Variants in PIK3AP1 observed in about 807,000 individuals in gnomAD.
The protein encoded by PIK3AP1 is phosphoinositide-3-kinase adaptor protein 1, also known as phosphoinositide 3-kinase adapter protein 1.
PIK3AP1 carries 21 observed loss-of-function variants against 88.1 expected under a neutral mutation model. That is an observed-to-expected ratio of 0.24 (90% CI 0.17 to 0.34). The LOEUF is 0.34. Ranked by LOEUF, PIK3AP1 falls within the 10% of genes least tolerant of loss-of-function variation. The pLI is 1.00. For synonymous variants in PIK3AP1, 398 were observed against 400.0 expected (o/e 1.00, Z 0.06); for missense variants, 828 against 1,035.7 (o/e 0.80, Z 2.75).
chr10:96,666,505 A>T (rs1435509123), intron 2 of PIK3AP1, among the ~76,000 whole-genome samples: 1 of 152,178 alleles, frequency 6.6e-6, no homozygotes, highest in Non-Finnish European at 1.5e-5. Flanking sequence ...CTAAAGCTTC[A>T]TAATATTTAT....
chr10:96,709,177 C>T (rs1471703125), intron 2 of PIK3AP1, among the ~76,000 whole-genome samples: 1 of 149,030 alleles, frequency 6.7e-6, no homozygotes, highest in Non-Finnish European at 1.5e-5. Context: ...ATGTGAAGTT[C>T]GCGTGATGAT....
At chr10:96,617,673 C>G (rs1165576800) in intron 12 of PIK3AP1, among the ~76,000 whole-genome samples, 1 of 152,116 alleles carries the variant, frequency 6.6e-6, no homozygotes, top group African/African-American at 2.4e-5. Flanking sequence ...GGAGCAGATG[C>G]AAGAGGACAA....
chr10:96,656,855 C>A lies in PIK3AP1; in HGVS notation c.510G>T (p.Pro170=), dbSNP rs761536697. Residue 170 remains proline, a synonymous_variant, in exon 3 of 17, where the codon CCG becomes CCT. Coordinates refer to ENST00000339364, the MANE Select transcript of PIK3AP1 (RefSeq NM_152309.3). ...TCAGGTTCCCAGGTGAAGTCACCGT[C>A]GGCAGGTTCTGCTGCTTCGAGTAGG... ...VVSYSKQQNL[P]TVTSPGNLMV... The A allele has an allele frequency of 1.2e-6, 2 of 1,614,162 alleles. No individual in the cohort carries two copies. Among genetic ancestry groups the A allele is most frequent in the Non-Finnish European group, 1.7e-6 (2 of 1,180,046 alleles).
At chr10:96,638,208 G>A (rs893250562) in intron 8 of PIK3AP1, among the ~76,000 whole-genome samples, 3 of 152,090 alleles carry the variant, frequency 2.0e-5, no homozygotes, top group Non-Finnish European at 4.4e-5. Context: ...TGTTGCTATC[G>A]TGAGAGTGGG....
intron 1 of PIK3AP1, among the ~76,000 whole-genome samples, chr10:96,717,558 T>C (rs1173279732): frequency 6.6e-6 from 1 of 152,098 alleles, no homozygotes; most frequent in African/African-American, 2.4e-5. Context: ...ACATGGAAGT[T>C]AAGGTCACAA....
intron 2 of PIK3AP1, among the ~76,000 whole-genome samples, chr10:96,683,870 A>G (rs1006207744): frequency 6.6e-6 from 1 of 152,260 alleles, no homozygotes; most frequent in Non-Finnish European, 1.5e-5. Flanking sequence ...TTTCCTCTGA[A>G]TAAACATTCA....
chr10:96,662,606 C>A (rs879667405), intron 2 of PIK3AP1, among the ~76,000 whole-genome samples: 24 of 150,594 alleles, frequency 1.6e-4, no homozygotes, highest in African/African-American at 5.4e-4. Context: ...TCCGGCCGGG[C>A]GCGGTGGCTC....
At chr10:96,663,323 T>C (rs1016184482) in intron 2 of PIK3AP1, among the ~76,000 whole-genome samples, 5 of 152,166 alleles carry the variant, frequency 3.3e-5, no homozygotes, top group Admixed American at 3.3e-4. Context: ...ATGTGAATTA[T>C]ACCTCAACAA....
chr10:96,645,388 G>T, intron 8 of PIK3AP1, 85 bp downstream of exon 8: 1 of 1,395,844 alleles, frequency 7.2e-7, no homozygotes. Context: ...GGTACATAGG[G>T]ACTGCCCCGC....
At chr10:96,650,084 T>C (rs1285435340) in intron 6 of PIK3AP1, among the ~76,000 whole-genome samples, 2 of 152,150 alleles carry the variant, frequency 1.3e-5, no homozygotes, top group African/African-American at 2.4e-5. Context: ...ATTCCCAGGA[T>C]CTCAAATTGT....
At chr10:96,677,502 T>C (rs1321205099) in intron 2 of PIK3AP1, among the ~76,000 whole-genome samples, 1 of 151,810 alleles carries the variant, frequency 6.6e-6, no homozygotes, top group Non-Finnish European at 1.5e-5. Flanking sequence ...AATAACTATG[T>C]GATTTCTGAG....
At chr10:96,632,677 T>A (rs1478621519) in intron 8 of PIK3AP1, among the ~76,000 whole-genome samples, 1 of 152,220 alleles carries the variant, frequency 6.6e-6, no homozygotes. Flanking sequence ...ACAATGTAGG[T>A]GGCTAAATAT....
intron 9 of PIK3AP1, among the ~76,000 whole-genome samples, chr10:96,627,718 C>T (rs1488632059): frequency 6.6e-6 from 1 of 152,232 alleles, no homozygotes; most frequent in Non-Finnish European, 1.5e-5. Flanking sequence ...TTAACATCCT[C>T]CACCTTTGAA....
intron 14 of PIK3AP1, among the ~76,000 whole-genome samples, chr10:96,605,095 T>C (rs1410620735): frequency 6.6e-6 from 1 of 152,174 alleles, no homozygotes; most frequent in Admixed American, 6.5e-5. Flanking sequence ...CCTGACCTCA[T>C]GATCCGTCCA....
chr10:96,601,365 T>G (rs1848886898), intron 16 of PIK3AP1, among the ~76,000 whole-genome samples: 1 of 148,220 alleles, frequency 6.7e-6, no homozygotes, highest in Admixed American at 7.0e-5. Context: ...TCCCAGCTAC[T>G]CGGAAGGCTG....
chr10:96,611,519 G>A (rs1283043733), intron 13 of PIK3AP1, among the ~76,000 whole-genome samples: 1 of 152,124 alleles, frequency 6.6e-6, no homozygotes, highest in Non-Finnish European at 1.5e-5. Flanking sequence ...CGCCAGGCTG[G>A]AGTGCAGTGG....
At chr10:96,713,920 T>C (rs1844470143) in intron 1 of PIK3AP1, among the ~76,000 whole-genome samples, 1 of 152,128 alleles carries the variant, frequency 6.6e-6, no homozygotes. Flanking sequence ...AAGCCTGTAA[T>C]CCCAGCACTT....
At chr10:96,601,410 GT>G (rs1848888792) in intron 16 of PIK3AP1, among the ~76,000 whole-genome samples, 1 of 141,746 alleles carries the variant, frequency 7.1e-6, no homozygotes, top group African/African-American at 2.7e-5. Flanking sequence ...GGAGGCGGAG[GT>G]TGCAGTGAGC....
chr10:96,692,162 CA>C (rs2134274832), intron 2 of PIK3AP1, among the ~76,000 whole-genome samples: 1 of 152,262 alleles, frequency 6.6e-6, no homozygotes, highest in East Asian at 1.9e-4. Flanking sequence ...TTCCAATAAT[CA>C]AAATCAAATA....
Sources: allele counts gnomAD v4.1 joint callset (sites outside exome capture counted in the v4.1 genomes callset), GRCh38; gene constraint gnomAD v4.1.1; transcripts MANE v1.5; gene names NCBI Gene and HGNC (gene_info 2026-07-23, HGNC 2026-07-21).